Variants in USH2A observed in about 807,000 individuals in gnomAD.
USH2A encodes Usher syndrome 2A (autosomal recessive, mild).
Under a neutral mutation model 538.9 loss-of-function variants are expected in USH2A, and 443 were observed. That is an observed-to-expected ratio of 0.82 (90% CI 0.76 to 0.89). USH2A has a LOEUF of 0.89. USH2A is among the 40% of genes least tolerant of loss of function. The pLI, the probability that USH2A is intolerant of heterozygous loss-of-function variation, is 0.00. For synonymous variants in USH2A, 2,413 were observed against 2,273.5 expected (o/e 1.06, Z -1.75); for missense variants, 6,633 against 6,324.8 (o/e 1.05, Z -1.65).
At chr1:215,857,697 A>G (rs1316202976) in intron 44 of USH2A, among the ~76,000 whole-genome samples, 1 of 152,200 alleles carries the variant, frequency 6.6e-6, no homozygotes, top group Non-Finnish European at 1.5e-5. Flanking sequence ...GCAGTGAAGA[A>G]GAGGACATGA....
intron 34 of USH2A, among the ~76,000 whole-genome samples, chr1:215,995,473 G>A (rs1378669239): frequency 6.6e-6 from 1 of 152,160 alleles, no homozygotes; most frequent in African/African-American, 2.4e-5. Context: ...TAGTTCCTTT[G>A]ATGGGAAAAT....
Position 216,101,073 on chromosome 1 carries a change from C to T in USH2A, c.4628-3860G>A, listed in dbSNP as rs538113854. Reference sequence around the variant, plus strand: ...TCTTCTCATTTTTCTCTTTACACTGCCAAAATAAATAATGAATGTCTTTTG... The same window carrying T: ...TCTTCTCATTTTTCTCTTTACACTGTCAAAATAAATAATGAATGTCTTTTG... On this transcript the variant is annotated intron_variant, in intron 21 of 71. Transcript: ENST00000307340. Among the ~76,000 whole-genome samples the T allele has an allele frequency of 1.1e-4, 16 of 152,102 alleles. No homozygotes were observed. In the South Asian group the frequency reaches 2.9e-3, roughly 28 times the overall value.
At chr1:216,230,322 CT>C (rs2035651615) in intron 14 of USH2A, among the ~76,000 whole-genome samples, 1 of 152,020 alleles carries the variant, frequency 6.6e-6, no homozygotes, top group African/African-American at 2.4e-5. Flanking sequence ...CCTGACAGTG[CT>C]TTTTATTTAC....
At chr1:216,038,377 A>G (rs145629915) in intron 32 of USH2A, among the ~76,000 whole-genome samples, 1 of 152,048 alleles carries the variant, frequency 6.6e-6, no homozygotes, top group African/African-American at 2.4e-5. Context: ...ACCACCTCAA[A>G]CTAGATCTGG....
intron 61 of USH2A, among the ~76,000 whole-genome samples, chr1:215,725,444 C>T (rs538590240): frequency 6.6e-6 from 1 of 152,258 alleles, no homozygotes; most frequent in African/African-American, 2.4e-5. Context: ...TCATAGTTGC[C>T]CTGATGCCCT....
intron 62 of USH2A, 88 bp from the exon 63 acceptor site, chr1:215,675,704 T>A: frequency 6.2e-7 from 1 of 1,602,090 alleles, no homozygotes. Flanking sequence ...TTCACCCCCT[T>A]GTTCCTTATT....
chr1:215,674,028 C>G, intron 63 of USH2A, 72 bp downstream of exon 63: 2 of 1,612,700 alleles, frequency 1.2e-6, no homozygotes, highest in Non-Finnish European at 1.7e-6. Context: ...TTCATTAGAA[C>G]TGACCAAGGG....
chr1:216,124,304 C>T (rs1050578832), intron 21 of USH2A, among the ~76,000 whole-genome samples: 2 of 152,024 alleles, frequency 1.3e-5, no homozygotes, highest in South Asian at 2.1e-4. Context: ...CACAGAAACC[C>T]CTCTCAGGCA....
intron 47 of USH2A, among the ~76,000 whole-genome samples, chr1:215,827,047 T>C (rs1382152418): frequency 6.6e-6 from 1 of 152,142 alleles, no homozygotes; most frequent in Non-Finnish European, 1.5e-5. Flanking sequence ...CTCATGGTTA[T>C]GGAAGTGATG....
At chr1:216,363,821 G>A (rs1358373637) in intron 4 of USH2A, among the ~76,000 whole-genome samples, 1 of 151,818 alleles carries the variant, frequency 6.6e-6, no homozygotes. Context: ...ACATTTGAAG[G>A]AGAAGTATTT....
At chr1:216,416,635 T>G (rs2039581415) in intron 3 of USH2A, among the ~76,000 whole-genome samples, 1 of 152,102 alleles carries the variant, frequency 6.6e-6, no homozygotes, top group Non-Finnish European at 1.5e-5. Flanking sequence ...ATATTTGACA[T>G]GTATTGAAAT....
chr1:216,267,143 C>T (rs989467016), intron 11 of USH2A, among the ~76,000 whole-genome samples: 1 of 151,968 alleles, frequency 6.6e-6, no homozygotes, highest in Non-Finnish European at 1.5e-5. Context: ...AAAAAGGATA[C>T]AGAAGAAATA....
intron 35 of USH2A, among the ~76,000 whole-genome samples, chr1:215,977,516 A>T (rs140853540): frequency 0.015 from 2,254 of 151,920 alleles, 29 homozygotes; most frequent in Non-Finnish European, 0.021. Context: ...TAATTAATTA[A>T]TTTTTTTGGA....
At chr1:216,021,382 C>T (rs1343855152) in intron 32 of USH2A, among the ~76,000 whole-genome samples, 5 of 152,092 alleles carry the variant, frequency 3.3e-5, no homozygotes, top group Non-Finnish European at 7.4e-5. Flanking sequence ...TTTCCCCTTT[C>T]GCTTGGTTCT....
At chr1:215,701,645 G>A (rs1446498898) in intron 61 of USH2A, among the ~76,000 whole-genome samples, 1 of 152,004 alleles carries the variant, frequency 6.6e-6, no homozygotes, top group Non-Finnish European at 1.5e-5. Context: ...TGCAACCCCT[G>A]CTTTTTTTGC....
chr1:215,646,375 C>T (rs1266462765), intron 67 of USH2A, among the ~76,000 whole-genome samples: 2 of 151,710 alleles, frequency 1.3e-5, no homozygotes, highest in East Asian at 1.9e-4. Flanking sequence ...ATTCTTAATA[C>T]TTTTTGTGTT....
chr1:215,713,273 C>A (rs944497869), intron 61 of USH2A, among the ~76,000 whole-genome samples: 1 of 152,194 alleles, frequency 6.6e-6, no homozygotes, highest in African/African-American at 2.4e-5. Context: ...GTTCCTGCGA[C>A]TCTAAGAGGT....
In USH2A at chr1:215,741,452, C is replaced by T; in HGVS notation, c.11634G>A (p.Leu3878=). 1 of 1,613,858 alleles carries T rather than the reference C, an allele frequency of 6.2e-7. No individual in the cohort carries two copies. The highest frequency in any genetic ancestry group is 8.5e-7 in the Non-Finnish European group (1 of 1,179,976). The change falls in exon 60 of 72, where the codon CTG becomes CTA. Residue 3878 remains leucine (L), a synonymous_variant. Transcript: ENST00000307340. The part of the protein sequence containing the change: ...MDLNSPVLKA[L]GSACIEIKWM... Reference sequence around the variant, plus strand: ...ACTTAATCTCTATGCAAGCTGACCCCAGTGCCTTAAGAACAGGAGAATTAA... The same window carrying T: ...ACTTAATCTCTATGCAAGCTGACCCTAGTGCCTTAAGAACAGGAGAATTAA...
chr1:215,953,577 G>A (rs1475684446), intron 37 of USH2A, among the ~76,000 whole-genome samples: 1 of 152,058 alleles, frequency 6.6e-6, no homozygotes, highest in Non-Finnish European at 1.5e-5. Context: ...ATGGATTAAA[G>A]ACTTAAATGT....
Sources: allele counts gnomAD v4.1 joint callset (sites outside exome capture counted in the v4.1 genomes callset), GRCh38; gene constraint gnomAD v4.1.1; transcripts MANE v1.5; gene names NCBI Gene and HGNC (gene_info 2026-07-23, HGNC 2026-07-21).